CHN1: variants seen among roughly 807,000 people sequenced by gnomAD.
CHN1 encodes chimerin 1.
In CHN1, 37 loss-of-function variants were observed where a neutral mutation model predicts 59.5. The observed-to-expected ratio is 0.62, with a 90% confidence interval of 0.48 to 0.82. CHN1 has a LOEUF of 0.82. Ranked by LOEUF, CHN1 falls within the 40% of genes least tolerant of loss-of-function variation. The pLI is 0.00. For synonymous variants in CHN1, 206 were observed against 200.4 expected, an observed-to-expected ratio of 1.03 and a Z score of -0.24; for missense variants, 469 against 571.0, an observed-to-expected ratio of 0.82 and a Z score of 1.82.
intron 3 of CHN1, among the ~76,000 whole-genome samples, chr2:174,941,990 C>T (rs1355706905): frequency 1.3e-5 from 2 of 152,058 alleles, no homozygotes; most frequent in East Asian, 1.9e-4. Context: ...GTTAGTACAG[C>T]TACTATCAAA....
At chr2:174,807,126 G>T (rs1684908143) in intron 11 of CHN1, among the ~76,000 whole-genome samples, 1 of 152,188 alleles carries the variant, frequency 6.6e-6, no homozygotes, top group African/African-American at 2.4e-5. Context: ...GATTTGGAAG[G>T]ATAATAAAAA....
intron 1 of CHN1, among the ~76,000 whole-genome samples, chr2:174,997,929 G>A (rs1231900273): frequency 4.0e-5 from 6 of 150,216 alleles, no homozygotes; most frequent in Non-Finnish European, 8.9e-5. Flanking sequence ...AGAGGTTGCA[G>A]TGAGCTGAGA....
At chr2:174,832,620 A>C (rs1685918591) in intron 7 of CHN1, among the ~76,000 whole-genome samples, 1 of 152,122 alleles carries the variant, frequency 6.6e-6, no homozygotes, top group South Asian at 2.1e-4. Flanking sequence ...GAAATTTTTC[A>C]GATATCTGTT....
intron 5 of CHN1, among the ~76,000 whole-genome samples, chr2:174,883,872 A>C (rs1447396393): frequency 1.3e-5 from 2 of 151,978 alleles, no homozygotes; most frequent in Non-Finnish European, 2.9e-5. Context: ...TTTTTAAAAA[A>C]GTTGAGAAAA....
intron 3 of CHN1, among the ~76,000 whole-genome samples, chr2:174,928,984 A>G (rs1262620015): frequency 6.6e-6 from 1 of 152,198 alleles, no homozygotes; most frequent in Non-Finnish European, 1.5e-5. Flanking sequence ...ACTTACAGGG[A>G]AAAAAATCAG....
At chr2:174,927,177 C>T (rs1351585703) in intron 3 of CHN1, among the ~76,000 whole-genome samples, 2 of 152,166 alleles carry the variant, frequency 1.3e-5, no homozygotes, top group Non-Finnish European at 2.9e-5. Context: ...CCCGAGCACG[C>T]ATCCTTAACT....
intron 1 of CHN1, among the ~76,000 whole-genome samples, chr2:174,983,177 T>G (rs899970282): frequency 6.6e-6 from 1 of 152,230 alleles, no homozygotes; most frequent in Non-Finnish European, 1.5e-5. Context: ...CAGTTTGAAA[T>G]TAATCATGGA....
chr2:174,829,941 G>A (rs1479180257), intron 7 of CHN1, among the ~76,000 whole-genome samples: 1 of 152,126 alleles, frequency 6.6e-6, no homozygotes. Flanking sequence ...CACCAAGATG[G>A]TCTTAAACTT....
chr2:174,935,755 A>C (rs1689478740), intron 3 of CHN1, among the ~76,000 whole-genome samples: 1 of 152,038 alleles, frequency 6.6e-6, no homozygotes, highest in African/African-American at 2.4e-5. Flanking sequence ...GTAAGACCTT[A>C]TCTCTACAAG....
At chr2:174,863,349 C>T (rs1305778205) in intron 6 of CHN1, among the ~76,000 whole-genome samples, 1 of 152,018 alleles carries the variant, frequency 6.6e-6, no homozygotes, top group Admixed American at 6.6e-5. Flanking sequence ...TTGCAAGTAA[C>T]CTTTAAGAAA....
In CHN1 at chr2:174,891,818, GA is replaced by G. The variant is rs546056599; in HGVS notation, c.261-13691del. ...AATAGACACTAGAAAAACAACAGAG[GA>G]AAAAAAACCAACTATGAGTTAGTTT... is the stretch of plus-strand genomic sequence containing the variant. On this transcript the variant is annotated intron_variant, in intron 5 of 12. Transcript: ENST00000409900. Among the ~76,000 whole-genome samples, 678 of 150,314 alleles carry G rather than the reference GA, an allele frequency of 4.5e-3. 6 individuals carry two copies. The highest frequency in any genetic ancestry group is 0.016 in the African/African-American group (636 of 40,966).
intron 1 of CHN1, among the ~76,000 whole-genome samples, chr2:174,968,637 A>G (rs1027045954): frequency 3.3e-5 from 5 of 152,230 alleles, no homozygotes; most frequent in African/African-American, 1.2e-4. Flanking sequence ...GAACCAGAAT[A>G]TGAAAGATCT....
chr2:174,867,150 G>T (rs1687242973), intron 6 of CHN1, among the ~76,000 whole-genome samples: 1 of 151,560 alleles, frequency 6.6e-6, no homozygotes, highest in Non-Finnish European at 1.5e-5. Context: ...AAGGCAGGCG[G>T]ATCAGTTGAA....
intron 7 of CHN1, among the ~76,000 whole-genome samples, chr2:174,826,936 G>T (rs12464778): frequency 0.011 from 1,648 of 150,708 alleles, 64 homozygotes; most frequent in Admixed American, 0.069. Flanking sequence ...AGGCTGGGTT[G>T]TTTTTTTTTG....
intron 1 of CHN1, among the ~76,000 whole-genome samples, chr2:174,990,040 T>C (rs1267470793): frequency 6.6e-6 from 1 of 152,168 alleles, no homozygotes; most frequent in African/African-American, 2.4e-5. Flanking sequence ...TGAAGATCAA[T>C]TATTATACTT....
At chr2:174,904,154 T>G (rs1574147383) in intron 5 of CHN1, among the ~76,000 whole-genome samples, 1 of 151,634 alleles carries the variant, frequency 6.6e-6, no homozygotes, top group Admixed American at 6.6e-5. Flanking sequence ...TCCCAGCTAC[T>G]CGGGAGGCTG....
intron 6 of CHN1, among the ~76,000 whole-genome samples, chr2:174,861,723 A>C (rs1476317170): frequency 6.6e-6 from 1 of 152,234 alleles, no homozygotes; most frequent in Non-Finnish European, 1.5e-5. Context: ...TCTTAGCAAC[A>C]TAGCTGACTA....
At chr2:174,997,267 G>GGA (rs1691737647) in intron 1 of CHN1, among the ~76,000 whole-genome samples, 1 of 152,068 alleles carries the variant, frequency 6.6e-6, no homozygotes. Context: ...TCCTTCCCCA[G>GGA]ACCTCGAACG....
chr2:174,830,875 A>G (rs1397087053), intron 7 of CHN1, among the ~76,000 whole-genome samples: 2 of 152,196 alleles, frequency 1.3e-5, no homozygotes, highest in Admixed American at 1.3e-4. Flanking sequence ...GTTAACACGG[A>G]AGCACCGCTT....
Sources: allele counts gnomAD v4.1 joint callset (sites outside exome capture counted in the v4.1 genomes callset), GRCh38; gene constraint gnomAD v4.1.1; transcripts MANE v1.5; gene names NCBI Gene and HGNC (gene_info 2026-07-23, HGNC 2026-07-21).